MYO16: variants seen among roughly 807,000 people sequenced by gnomAD.
The protein encoded by MYO16 is unconventional myosin-XVI.
In MYO16, 94 loss-of-function variants were observed where a neutral mutation model predicts 205.3. The observed-to-expected ratio is 0.46, with a 90% CI of 0.39 to 0.54. MYO16 has a LOEUF of 0.54. Ranked by LOEUF, MYO16 falls within the 20% of genes least tolerant of loss-of-function variation. The probability of loss-of-function intolerance (pLI) is 0.00; values close to 1 mark genes in which losing one functional copy is unlikely to be tolerated. For synonymous variants in MYO16, 988 were observed against 954.0 expected (o/e 1.04, Z -0.66); for missense variants, 2,315 against 2,387.5 (o/e 0.97, Z 0.63).
At chr13:108,585,030 A>G in the MYO16 span, among the ~76,000 whole-genome samples, 3 of 152,218 alleles carry the variant, frequency 2.0e-5, no homozygotes, top group Non-Finnish European at 4.4e-5. Context: ...AACTGAGAGT[A>G]ATAGTGAATC....
rs369567553 is a variant in MYO16, at chr13:108,820,379, C to A, written c.910C>A (p.His304Asn). 3 of 1,607,220 alleles carry A rather than the reference C, an allele frequency of 1.9e-6. No individual in the cohort carries two copies. Among genetic ancestry groups the A allele is most frequent in the Non-Finnish European group, 2.5e-6 (3 of 1,176,544 alleles). ...KLLLMHQANP[H>N]LVNCNEEKAS... The stretch of plus-strand genomic sequence containing the variant: ...TCTCCTGATGCATCAGGCAAACCCA[C>A]ACCTCGTGAACTGTAATGAGGAGAA... Residue 304 changes from histidine (H) to asparagine (N), a missense_variant, in exon 8 of 35, where the codon CAC becomes AAC. His to Asn is a moderately conservative substitution (Grantham distance 68). Coordinates refer to ENST00000457511, the MANE Select transcript of MYO16 (RefSeq NM_001198950.3).
chr13:109,059,672 C>T (rs9514967), intron 27 of MYO16, among the ~76,000 whole-genome samples: 75,074 of 151,878 alleles, frequency 0.49, 18,557 homozygotes, highest in Middle Eastern at 0.55. Flanking sequence ...CTTTGTGAGA[C>T]GGATGGATTG....
chr13:108,526,729 T>C, the MYO16 span, among the ~76,000 whole-genome samples: 3 of 152,240 alleles, frequency 2.0e-5, no homozygotes, highest in African/African-American at 7.2e-5. Flanking sequence ...TTTGAACTTT[T>C]GTCAAAGTAT....
intron 27 of MYO16, among the ~76,000 whole-genome samples, chr13:109,084,766 T>G (rs1888387698): frequency 6.6e-6 from 1 of 151,910 alleles, no homozygotes; most frequent in African/African-American, 2.4e-5. Flanking sequence ...AGCAATAGTT[T>G]GTGAATGTCT....
At chr13:108,646,531 T>C (rs1292733401) in intron 1 of MYO16, among the ~76,000 whole-genome samples, 1 of 152,354 alleles carries the variant, frequency 6.6e-6, no homozygotes, top group Admixed American at 6.5e-5. Context: ...AAATTGGCAT[T>C]AAGCCTTCAT....
At chr13:109,170,373 A>C (rs1246509825) in intron 33 of MYO16, among the ~76,000 whole-genome samples, 1 of 152,152 alleles carries the variant, frequency 6.6e-6, no homozygotes, top group Admixed American at 6.5e-5. Context: ...GACCCGCCTG[A>C]AAAGGAAGAG....
intron 1 of MYO16, among the ~76,000 whole-genome samples, chr13:108,658,090 A>G (rs1163859355): frequency 1.3e-5 from 2 of 152,140 alleles, no homozygotes; most frequent in Non-Finnish European, 2.9e-5. Flanking sequence ...TGTCTCAGAA[A>G]ATGAACTGAG....
chr13:108,605,878 G>T (rs9587628), intron 1 of MYO16, among the ~76,000 whole-genome samples: 11 of 151,996 alleles, frequency 7.2e-5, no homozygotes, highest in Non-Finnish European at 1.6e-4. Flanking sequence ...GAAAAATACT[G>T]GAAGATGTGG....
chr13:108,865,715 C>A (rs376100001), intron 11 of MYO16, among the ~76,000 whole-genome samples: 1 of 151,846 alleles, frequency 6.6e-6, no homozygotes, highest in African/African-American at 2.4e-5. Flanking sequence ...GCCTTTGTAT[C>A]TCATTGTCAC....
At chr13:108,550,040 G>A in the MYO16 span, among the ~76,000 whole-genome samples, 1 of 152,190 alleles carries the variant, frequency 6.6e-6, no homozygotes, top group South Asian at 2.1e-4. Context: ...AATGTTGATA[G>A]GGCCAGCTGG....
intron 16 of MYO16, among the ~76,000 whole-genome samples, chr13:108,931,176 T>C (rs973641318): frequency 2.6e-5 from 4 of 152,130 alleles, no homozygotes; most frequent in Non-Finnish European, 5.9e-5. Flanking sequence ...ATATTTAAAG[T>C]TTTTATGATG....
intron 34 of MYO16, among the ~76,000 whole-genome samples, chr13:109,198,765 T>A (rs1386155894): frequency 6.6e-6 from 1 of 152,154 alleles, no homozygotes; most frequent in Non-Finnish European, 1.5e-5. Flanking sequence ...CATATGTGAC[T>A]CATATAATCC....
chr13:109,093,459 G>C (rs1888681888), intron 27 of MYO16, among the ~76,000 whole-genome samples: 1 of 152,086 alleles, frequency 6.6e-6, no homozygotes, highest in Non-Finnish European at 1.5e-5. Context: ...CTAGTGTGGG[G>C]GACTGGCTGA....
intron 34 of MYO16, among the ~76,000 whole-genome samples, chr13:109,181,833 T>C (rs1879468122): frequency 6.6e-6 from 1 of 151,752 alleles, no homozygotes; most frequent in Non-Finnish European, 1.5e-5. Context: ...TTTATTTTTT[T>C]TTTTGAGACA....
At chr13:109,110,794 T>C in intron 28 of MYO16, among the ~76,000 whole-genome samples, 1 of 152,238 alleles carries the variant, frequency 6.6e-6, no homozygotes, top group African/African-American at 2.4e-5. Flanking sequence ...ACGAATGAAA[T>C]GGGGGAAATG....
intron 1 of MYO16, among the ~76,000 whole-genome samples, chr13:108,646,967 C>CTATA (rs1880782460): frequency 1.3e-5 from 2 of 152,040 alleles, no homozygotes; most frequent in African/African-American, 4.8e-5. Context: ...TCAGCGAACA[C>CTATA]TATATATATG....
intron 1 of MYO16, among the ~76,000 whole-genome samples, chr13:108,621,629 C>T (rs1475599420): frequency 5.3e-5 from 8 of 152,116 alleles, no homozygotes; most frequent in African/African-American, 1.7e-4. Flanking sequence ...TCGACATTGT[C>T]GTGGCTCAGT....
the MYO16 span, among the ~76,000 whole-genome samples, chr13:108,576,227 C>T: frequency 6.6e-6 from 1 of 152,194 alleles, no homozygotes; most frequent in Admixed American, 6.5e-5. Context: ...GGAAATTCTG[C>T]ATATTGGACC....
intron 1 of MYO16, among the ~76,000 whole-genome samples, chr13:108,661,684 A>G (rs1260306523): frequency 1.3e-5 from 2 of 151,614 alleles, no homozygotes; most frequent in Non-Finnish European, 2.9e-5. Context: ...TTCCCCTTTC[A>G]TTTCTCATAT....
Sources: gnomAD v4.1 joint callset for allele counts (sites outside exome capture counted in the v4.1 genomes callset) on GRCh38, gnomAD v4.1.1 for gene constraint, MANE v1.5 for transcripts, NCBI Gene and HGNC (gene_info 2026-07-23, HGNC 2026-07-21) for gene names.